The following TBC1D9 variants were observed in gnomAD, a reference collection of about 807,000 sequenced individuals.
TBC1D9 encodes TBC1 domain family member 9, also known as TBC1 domain family member 9A.
Under a neutral mutation model 132.0 loss-of-function variants are expected in TBC1D9, and 63 were observed. That is an observed-to-expected ratio of 0.48 (90% CI 0.39 to 0.59). The LOEUF (loss-of-function observed/expected upper bound fraction) is 0.59, where lower values mean the gene tolerates loss of function less well. Ranked by LOEUF, TBC1D9 falls within the 20% of genes least tolerant of loss-of-function variation. The pLI is 0.00. For missense variants in TBC1D9, 1,261 were observed against 1,592.7 expected, an observed-to-expected ratio of 0.79 and a Z score of 3.54; for synonymous variants, 610 against 609.9, an observed-to-expected ratio of 1.00 and a Z score of 0.00.
At chr4:140,708,506 T>C (rs774044183) in intron 1 of TBC1D9, among the ~76,000 whole-genome samples, 6 of 152,200 alleles carry the variant, frequency 3.9e-5, no homozygotes, top group Non-Finnish European at 7.3e-5. Context: ...ATTCACAGAT[T>C]TAATTAACCA....
At chr4:140,748,533 G>C (rs541918064) in intron 1 of TBC1D9, among the ~76,000 whole-genome samples, 16 of 152,240 alleles carry the variant, frequency 1.1e-4, no homozygotes, top group African/African-American at 3.6e-4. Context: ...AAATTATCTA[G>C]ATCATATTAA....
chr4:140,748,897 C>T (rs908759970), intron 1 of TBC1D9, among the ~76,000 whole-genome samples: 6 of 151,930 alleles, frequency 3.9e-5, no homozygotes, highest in Admixed American at 2.6e-4. Context: ...TGTAGAGATC[C>T]AACTGAATAC....
At chr4:140,718,636 C>T (rs1278359490) in intron 1 of TBC1D9, among the ~76,000 whole-genome samples, 2 of 152,160 alleles carry the variant, frequency 1.3e-5, no homozygotes, top group African/African-American at 2.4e-5. Flanking sequence ...AGGGAAACCC[C>T]TAGAAAAACT....
chr4:140,659,841 C>T, intron 10 of TBC1D9, 136 bp from the exon 11 acceptor site: 1 of 617,166 alleles, frequency 1.6e-6, no homozygotes, highest in Non-Finnish European at 2.8e-6. Flanking sequence ...TATGTTTAGG[C>T]TTTGGAGGCT....
At position 140,669,067 on chromosome 4, in the gene TBC1D9, C is replaced by T. The variant is rs1186950841; in HGVS notation, c.1438G>A (p.Ala480Thr). The T allele has an allele frequency of 3.7e-6, 6 of 1,613,586 alleles. No homozygotes were observed. The highest frequency in any genetic ancestry group is 5.1e-6 in the Non-Finnish European group (6 of 1,179,774). Residue 480 changes from alanine (A) to threonine (T), a missense_variant and splice_region_variant, in exon 9 of 21, where the codon GCC (alanine) becomes ACC (threonine). By Grantham distance (58) the Ala-to-Thr change is moderately conservative (BLOSUM62 0). This residue lies in a region of TBC1D9 where 550 missense variants were observed against 699.0 expected (regional missense o/e 0.79). Transcript: ENST00000442267. ...GCTTGCTCTTTCAGAAACTCTTTGG[C>T]CTGAAAGGGATAATGAAACATTATG... ...RSPEEFNPKL[A>T]KEFLKEQAWK... is the part of the protein sequence containing the mutation.
intron 16 of TBC1D9, among the ~76,000 whole-genome samples, chr4:140,631,029 C>T (rs1392493272): frequency 1.3e-5 from 2 of 152,200 alleles, no homozygotes; most frequent in Non-Finnish European, 2.9e-5. Context: ...GCCCATCACA[C>T]TTTTGGGTGC....
At chr4:140,654,350 G>C (rs1737233060) in intron 13 of TBC1D9, among the ~76,000 whole-genome samples, 1 of 151,858 alleles carries the variant, frequency 6.6e-6, no homozygotes, top group Non-Finnish European at 1.5e-5. Context: ...TAATGAGCTA[G>C]AAAGTTAGTC....
rs1736601645 is a variant in TBC1D9, at chr4:140,620,883, A to G, written c.*1312T>C. 6.6e-6 allele frequency: 1 copy of G among 152,670 alleles called. No individual in the cohort carries two copies. The highest frequency in any genetic ancestry group is 2.4e-5 in the African/African-American group (1 of 41,466). 9.5% of individuals were successfully genotyped at this position (152,670 alleles called of 1,614,324 possible). On this transcript the variant is annotated 3_prime_UTR_variant, in exon 21 of 21. Transcript: ENST00000442267. ...AATCATCCTGTAAATAGAATAAAAA[A>G]CAACAGCAGCAATAGCTAAAAAAAG...
intron 10 of TBC1D9, 35 bp from the exon 11 acceptor site, chr4:140,659,740 T>G (rs1375122992): frequency 7.1e-7 from 1 of 1,411,800 alleles, no homozygotes; most frequent in South Asian, 1.3e-5. Context: ...TCAAATACAG[T>G]TGAAAATATA....
At chr4:140,669,140 A>G in intron 8 of TBC1D9, 73 bp from the exon 9 acceptor site, 1 of 1,473,066 alleles carries the variant, frequency 6.8e-7, no homozygotes, top group Non-Finnish European at 9.4e-7. Context: ...ATGGAAGGTC[A>G]GAACATGTTC....
At chr4:140,641,090 C>CAAAAAAAAAAAA (rs35813378) in intron 13 of TBC1D9, among the ~76,000 whole-genome samples, 99 of 34,902 alleles carry the variant, frequency 2.8e-3, no homozygotes, top group African/African-American at 4.0e-3. Context: ...TAATACTAAG[C>CAAAAAAAAAAAA]AAAAAAAAAA....
intron 3 of TBC1D9, 48 bp downstream of exon 3, chr4:140,686,295 TA>T (rs1737778466): frequency 1.7e-6 from 2 of 1,188,070 alleles, no homozygotes; most frequent in South Asian, 1.3e-5. Context: ...AACATTTCTG[TA>T]AATTTGAAAT....
intron 2 of TBC1D9, among the ~76,000 whole-genome samples, chr4:140,697,461 G>A (rs1737988350): frequency 6.6e-6 from 1 of 152,202 alleles, no homozygotes; most frequent in Non-Finnish European, 1.5e-5. Flanking sequence ...CTTCTGTGCA[G>A]TCTTCCATAA....
At chr4:140,647,666 G>A (rs76270430) in intron 13 of TBC1D9, among the ~76,000 whole-genome samples, 2,241 of 152,262 alleles carry the variant, frequency 0.015, 27 homozygotes, top group Middle Eastern at 0.041. Flanking sequence ...GACATTCAAA[G>A]AGCCCCGTGT....
chr4:140,717,961 C>G (rs568436801), intron 1 of TBC1D9, among the ~76,000 whole-genome samples: 1 of 152,228 alleles, frequency 6.6e-6, no homozygotes, highest in East Asian at 1.9e-4. Context: ...CCTGCAAACA[C>G]TATCATTTTC....
chr4:140,673,405 T>C (rs925835594), intron 6 of TBC1D9, among the ~76,000 whole-genome samples: 1 of 152,152 alleles, frequency 6.6e-6, no homozygotes, highest in African/African-American at 2.4e-5. Context: ...TAGGATGTAA[T>C]GTTCCCAGGG....
chr4:140,626,614 C>T (rs1367688149), intron 18 of TBC1D9, among the ~76,000 whole-genome samples: 1 of 152,180 alleles, frequency 6.6e-6, no homozygotes, highest in Non-Finnish European at 1.5e-5. Flanking sequence ...TAGAAGGTAA[C>T]TTACTGCAGT....
At chr4:140,674,984 C>T (rs4956474) in intron 6 of TBC1D9, among the ~76,000 whole-genome samples, 53 of 152,236 alleles carry the variant, frequency 3.5e-4, no homozygotes, top group Middle Eastern at 6.8e-3. Flanking sequence ...TCTGGGATTA[C>T]AGGTGTGAGC....
At chr4:140,639,212 A>T in intron 14 of TBC1D9, 58 bp from the exon 15 acceptor site, 2 of 1,496,554 alleles carry the variant, frequency 1.3e-6, no homozygotes, top group Non-Finnish European at 1.8e-6. Flanking sequence ...ATGCTGGGAA[A>T]ATCCCTAATT....
Sources: gnomAD v4.1 joint callset for allele counts (sites outside exome capture counted in the v4.1 genomes callset) on GRCh38, gnomAD v4.1.1 for gene constraint, gnomAD v4.1.1 regional missense constraint, MANE v1.5 for transcripts, NCBI Gene and HGNC (gene_info 2026-07-23, HGNC 2026-07-21) for gene names.